GRM8: variants seen among roughly 807,000 people sequenced by gnomAD.
GRM8 encodes metabotropic glutamate receptor 8.
GRM8 carries 47 observed loss-of-function variants against 87.2 expected under a neutral mutation model. That is an observed-to-expected ratio of 0.54 (90% CI 0.43 to 0.69). The LOEUF (loss-of-function observed/expected upper bound fraction) is 0.69. Among genes scored for constraint, GRM8 ranks in the 30% least tolerant of loss-of-function variants. The pLI, the probability that GRM8 is intolerant of heterozygous loss-of-function variation, is 0.00. For missense variants in GRM8, 1,019 were observed against 1,139.2 expected (o/e 0.89, Z 1.52); for synonymous variants, 396 against 404.5 (o/e 0.98, Z 0.25).
chr7:127,018,285 A>G (rs1389780611), intron 3 of GRM8, among the ~76,000 whole-genome samples: 3 of 152,182 alleles, frequency 2.0e-5, no homozygotes, highest in Non-Finnish European at 4.4e-5. Context: ...CAAATGAGTA[A>G]TAAAAAATAA....
chr7:126,841,132 T>C (rs1463439812), intron 6 of GRM8, among the ~76,000 whole-genome samples: 1 of 152,234 alleles, frequency 6.6e-6, no homozygotes, highest in African/African-American at 2.4e-5. Flanking sequence ...TGTCTTGCTA[T>C]ATAACAAAAT....
intron 7 of GRM8, chr7:126,701,947 C>T: frequency 2.9e-6 from 1 of 342,604 alleles, no homozygotes; most frequent in Non-Finnish European, 5.9e-6. Flanking sequence ...AATCATGCTA[C>T]CCATTTCTTT....
intron 3 of GRM8, among the ~76,000 whole-genome samples, chr7:126,985,137 C>A (rs1311940341): frequency 6.6e-6 from 1 of 152,130 alleles, no homozygotes; most frequent in Non-Finnish European, 1.5e-5. Context: ...ACAATTTTAG[C>A]ATATTTTGGC....
intron 2 of GRM8, among the ~76,000 whole-genome samples, chr7:127,212,407 G>GTTGT (rs1563581982): frequency 1.3e-4 from 15 of 118,466 alleles, no homozygotes; most frequent in African/African-American, 5.5e-4. Flanking sequence ...AGGACATGGT[G>GTTGT]TTATTTTTTT....
At chr7:126,890,182 G>A (rs1800860326) in intron 6 of GRM8, among the ~76,000 whole-genome samples, 1 of 152,048 alleles carries the variant, frequency 6.6e-6, no homozygotes, top group Non-Finnish European at 1.5e-5. Flanking sequence ...ATGCAGATAT[G>A]GAAAAACCTT....
At chr7:127,075,795 T>G (rs2132722439) in intron 3 of GRM8, among the ~76,000 whole-genome samples, 1 of 152,272 alleles carries the variant, frequency 6.6e-6, no homozygotes, top group South Asian at 2.1e-4. Flanking sequence ...TGGGCTAATG[T>G]TCACTGGGAT....
chr7:126,825,846 ATC>A (rs1367413607), intron 6 of GRM8, among the ~76,000 whole-genome samples: 2 of 151,642 alleles, frequency 1.3e-5, no homozygotes, highest in Non-Finnish European at 2.9e-5. Context: ...CATTAGGTAT[ATC>A]TCCTAATGCT....
At chr7:126,577,977 C>T (rs1263058841) in intron 8 of GRM8, among the ~76,000 whole-genome samples, 2 of 152,134 alleles carry the variant, frequency 1.3e-5, no homozygotes, top group African/African-American at 4.8e-5. Flanking sequence ...CTATTCATTT[C>T]CTTCTCTTAT....
intron 3 of GRM8, among the ~76,000 whole-genome samples, chr7:127,023,978 A>C (rs543615152): frequency 1.3e-5 from 2 of 152,276 alleles, no homozygotes; most frequent in East Asian, 3.9e-4. Flanking sequence ...ATATCTCTGC[A>C]TGTAGGGAGG....
chr7:126,967,077 T>C (rs1164218376), intron 3 of GRM8, among the ~76,000 whole-genome samples: 2 of 152,224 alleles, frequency 1.3e-5, no homozygotes, highest in Non-Finnish European at 2.9e-5. Flanking sequence ...ATAGAATGCC[T>C]AGGCCATAAC....
At chr7:127,179,581 A>T (rs1209580689) in intron 2 of GRM8, among the ~76,000 whole-genome samples, 1 of 152,178 alleles carries the variant, frequency 6.6e-6, no homozygotes, top group African/African-American at 2.4e-5. Flanking sequence ...TTTCTCCAAG[A>T]TAGACCATAT....
chr7:126,829,085 G>C (rs1325622209), intron 6 of GRM8, among the ~76,000 whole-genome samples: 1 of 151,870 alleles, frequency 6.6e-6, no homozygotes, highest in Admixed American at 6.6e-5. Context: ...TATAATTTCT[G>C]TTCTTTTACA....
At chr7:126,664,604 C>T (rs1162540895) in intron 7 of GRM8, among the ~76,000 whole-genome samples, 1 of 152,086 alleles carries the variant, frequency 6.6e-6, no homozygotes, top group Non-Finnish European at 1.5e-5. Flanking sequence ...CTACCTTTCA[C>T]TATATACAAC....
intron 7 of GRM8, among the ~76,000 whole-genome samples, chr7:126,640,275 C>G (rs1207276524): frequency 6.6e-6 from 1 of 152,030 alleles, no homozygotes; most frequent in Non-Finnish European, 1.5e-5. Flanking sequence ...AAGGAGAGGT[C>G]AAGATATTTA....
At chr7:126,620,436 A>C (rs1204740128) in intron 7 of GRM8, among the ~76,000 whole-genome samples, 1 of 152,206 alleles carries the variant, frequency 6.6e-6, no homozygotes, top group East Asian at 1.9e-4. Context: ...TGTGTGAAAA[A>C]GTATATTTTT....
At chr7:126,938,086 A>G (rs898528804) in intron 3 of GRM8, among the ~76,000 whole-genome samples, 2 of 152,230 alleles carry the variant, frequency 1.3e-5, no homozygotes. Context: ...CTAACTAGAC[A>G]TGGTCATATA....
At chr7:126,571,150 G>A (rs774708193) in intron 8 of GRM8, among the ~76,000 whole-genome samples, 1 of 152,106 alleles carries the variant, frequency 6.6e-6, no homozygotes, top group Non-Finnish European at 1.5e-5. Context: ...TAGAGATCAT[G>A]TAATTATACA....
At chr7:127,179,188 C>A (rs1370102258) in intron 2 of GRM8, among the ~76,000 whole-genome samples, 1 of 152,060 alleles carries the variant, frequency 6.6e-6, no homozygotes, top group Non-Finnish European at 1.5e-5. Flanking sequence ...ACACCAAAAG[C>A]GAGCAGGATA....
rs1563413838 is a variant in GRM8 at position 127,015,103 on chromosome 7, G to GA, written c.727+91392dup. ...GGAGAAGAAGGAGAAGAAGGAGAAG[G>GA]AGAAGGAAGAAGGAGAAGAAGGAGA... On this transcript the variant is annotated intron_variant, in intron 3 of 10. Transcript: ENST00000339582. Among the ~76,000 whole-genome samples the GA allele has an allele frequency of 2.4e-5, 3 of 127,546 alleles. No homozygotes were observed. The South Asian group carries it at 8.4e-4, about 36-fold the overall frequency. The allele number at this position is 127,546 out of a possible 152,430, so 83.7% of individuals were successfully genotyped here. A position where few individuals can be genotyped will look rare whatever the true frequency, so the allele number is the denominator to read the frequency against.
Sources: allele counts gnomAD v4.1 joint callset (sites outside exome capture counted in the v4.1 genomes callset), GRCh38; gene constraint gnomAD v4.1.1; transcripts MANE v1.5; gene names NCBI Gene and HGNC (gene_info 2026-07-23, HGNC 2026-07-21).